MEX3C: variants seen among roughly 807,000 people sequenced by gnomAD.
The protein encoded by MEX3C is RNA-binding E3 ubiquitin-protein ligase MEX3C.
Under a neutral mutation model 35.5 loss-of-function variants are expected in MEX3C, and 15 were observed. The ratio of observed to expected loss-of-function variants is 0.42; its 90% CI spans 0.28 to 0.65. The LOEUF (loss-of-function observed/expected upper bound fraction) is 0.65. Among genes scored for constraint, MEX3C ranks in the 30% least tolerant of loss-of-function variants. MEX3C has a pLI of 0.20. For synonymous variants in MEX3C, 390 were observed against 352.8 expected, an observed-to-expected ratio of 1.11 and a Z score of -1.18; for missense variants, 711 against 842.8, an observed-to-expected ratio of 0.84 and a Z score of 1.94.
intron 1 of MEX3C, 106 bp downstream of exon 1, chr18:51,196,461 T>C: frequency 3.4e-6 from 5 of 1,474,606 alleles, no homozygotes; most frequent in Admixed American, 4.6e-5. Flanking sequence ...GCGGTGGACT[T>C]GGGGGCCTCG....
rs1289258212 is a variant in MEX3C at position 51,197,255 on chromosome 18, GGGCGGCTGC to G, written c.57_65del (p.Gln20_Pro22del). The G allele has an allele frequency of 2.5e-5, 24 of 943,162 alleles. No individual in the cohort carries two copies. Among genetic ancestry groups the G allele is most frequent in the Non-Finnish European group, 3.0e-5 (24 of 794,026 alleles). The allele number at this position is 943,162 out of a possible 1,614,324, so 58.4% of individuals were successfully genotyped here. On this transcript the variant is annotated inframe_deletion, in exon 1 of 2. Coordinates refer to ENST00000406189, the MANE Select transcript of MEX3C (RefSeq NM_016626.5). ...GCGGCGGTGGCGGCGGCGGCGGCGG[GGGCGGCTGC>G]GGCAGGGGGGCCGGGGCCGCCGCCA...
At position 51,196,803 on chromosome 18, in the gene MEX3C, T is replaced by A; in HGVS notation, c.518A>T (p.Asp173Val). The A allele has an allele frequency of 6.5e-7, 1 of 1,530,534 alleles. No homozygotes were observed. Among genetic ancestry groups the A allele is most frequent in the Non-Finnish European group, 8.7e-7 (1 of 1,143,986 alleles). The allele number at this position is 1,530,534 out of a possible 1,614,324, so 94.8% of individuals were successfully genotyped here. A position where few individuals can be genotyped will look rare whatever the true frequency, so the allele number is the denominator to read the frequency against. Residue 173 changes from aspartate (D) to valine (V), a missense_variant, in exon 1 of 2, where the codon GAT becomes GTT. Physicochemically the swap from Asp to Val is radical, Grantham distance 152 (BLOSUM62 -3). Transcript: ENST00000406189. ...GSVLLPAARF[D>V]AREAAAAAAA... ...CGCCGCGGCCGCCGCCTCCCGGGCA[T>A]CGAACCTGGCGGCTGGCAGCAGCAC...
rs766537767 is a variant in MEX3C, at chr18:51,176,927, A to G, written c.1404T>C (p.Ser468=). The G allele has an allele frequency of 8.1e-6, 13 of 1,613,892 alleles. No homozygotes were observed. Among genetic ancestry groups the G allele is most frequent in the Middle Eastern group, 1.6e-4 (1 of 6,084 alleles). ...TTCCTGTGCTAAATGGGCTTGTTGG[A>G]CTAAAGTCAGCCAGCCTATTGCTTC... ...YFGSNRLADF[S]PTSPFSTGNF... is the part of the protein sequence containing the mutation. The change falls in exon 2 of 2, where the codon AGT becomes AGC. Residue 468 remains serine, a synonymous_variant. Coordinates refer to ENST00000406189, the MANE Select transcript of MEX3C (RefSeq NM_016626.5).
At chr18:51,196,303 A>T in intron 1 of MEX3C, 1 of 686,232 alleles carries the variant, frequency 1.5e-6, no homozygotes, top group Non-Finnish European at 2.2e-6. Context: ...TTCCACGAAT[A>T]CAGCCCAAGT....
rs1278934982 is a variant in MEX3C, at chr18:51,196,871, G to A, written c.450C>T (p.Thr150=). ...CCGGGATCTGCTGGGTCTGAGAGGC[G>A]GTGGCCGCGGGCGGCGACAGCAGCA... ...SLLLLSPPAA[T]ASQTQQIPGG... Residue 150 remains threonine, a synonymous_variant, in exon 1 of 2, where the codon ACC becomes ACT. Coordinates refer to ENST00000406189, the MANE Select transcript of MEX3C (RefSeq NM_016626.5). The A allele has an allele frequency of 6.5e-6, 10 of 1,539,620 alleles. No homozygotes were observed. The African/African-American group carries it at 1.1e-4, about 17-fold the overall frequency.
chr18:51,195,659 C>T (rs1912765291), intron 1 of MEX3C: 1 of 152,148 alleles, frequency 6.6e-6, no homozygotes, highest in Admixed American at 6.5e-5. Flanking sequence ...GGAAATGCTA[C>T]CATAAAGAAC....
intron 1 of MEX3C, among the ~76,000 whole-genome samples, chr18:51,186,073 T>C (rs1382973993): frequency 6.6e-6 from 1 of 152,176 alleles, no homozygotes; most frequent in Middle Eastern, 3.2e-3. Context: ...GCAAAATCAC[T>C]GCTTGGGTGA....
Position 51,176,248 on chromosome 18 carries a change from T to C in MEX3C, c.*103A>G, listed in dbSNP as rs566370269. On this transcript the variant is annotated 3_prime_UTR_variant, in exon 2 of 2. Coordinates refer to ENST00000406189, the MANE Select transcript of MEX3C (RefSeq NM_016626.5). Reference sequence around the variant, plus strand: ...TTAGCCTAATCCCAATAAAGCCTGATAACAGTCATAAGAAATCATTAGGAA... The same window carrying C: ...TTAGCCTAATCCCAATAAAGCCTGACAACAGTCATAAGAAATCATTAGGAA... 1 of 1,168,674 alleles carries C rather than the reference T, an allele frequency of 8.6e-7. No homozygotes were observed. Among genetic ancestry groups the C allele is most frequent in the South Asian group, 1.7e-5 (1 of 58,422 alleles). 72.4% of individuals were successfully genotyped at this position (1,168,674 alleles called of 1,614,324 possible).
chr18:51,195,505 G>A (rs1299961181), intron 1 of MEX3C: 2 of 152,190 alleles, frequency 1.3e-5, no homozygotes, highest in Non-Finnish European at 2.9e-5. Flanking sequence ...GGAAAGATGA[G>A]ATCATTTAAG....
At chr18:51,192,630 A>G (rs1275456268) in intron 1 of MEX3C, among the ~76,000 whole-genome samples, 1 of 152,178 alleles carries the variant, frequency 6.6e-6, no homozygotes, top group Admixed American at 6.5e-5. Context: ...ATTAGGGCAC[A>G]AGTTAATCCA....
chr18:51,180,805 C>A (rs182811762), intron 1 of MEX3C, among the ~76,000 whole-genome samples: 27 of 152,232 alleles, frequency 1.8e-4, no homozygotes, highest in Admixed American at 1.3e-3. Context: ...TAAGCCACTG[C>A]CAATAAAGAC....
chr18:51,184,807 C>T (rs1034676442), intron 1 of MEX3C, among the ~76,000 whole-genome samples: 3 of 151,482 alleles, frequency 2.0e-5, no homozygotes, highest in Non-Finnish European at 4.4e-5. Flanking sequence ...TGCAGAGATC[C>T]GAGATCGTGC....
intron 1 of MEX3C, chr18:51,193,641 A>G (rs2144559441): frequency 6.6e-6 from 1 of 152,336 alleles, no homozygotes; most frequent in African/African-American, 2.4e-5. Context: ...AAGCCTCTTC[A>G]GTTCCTGGCT....
At position 51,197,125 on chromosome 18, in the gene MEX3C, C is replaced by T. The variant is rs1234063886; in HGVS notation, c.196G>A (p.Gly66Ser). 14 of 1,093,354 alleles carry T rather than the reference C, an allele frequency of 1.3e-5. No homozygotes were observed. The highest frequency in any genetic ancestry group is 1.7e-5 in the African/African-American group (1 of 59,024). The allele number at this position is 1,093,354 out of a possible 1,614,324, so 67.7% of individuals were successfully genotyped here. The change falls in exon 1 of 2, where the codon GGC becomes AGC. Residue 66 changes from glycine to serine, a missense_variant. Transcript: ENST00000406189. Reference sequence around the variant, plus strand: ...GCCGGGGCCCGAAGCGCCGGGGCGCCGGGCTCCGCCGGGCTGGGGTCGTCG... The same window carrying T: ...GCCGGGGCCCGAAGCGCCGGGGCGCTGGGCTCCGCCGGGCTGGGGTCGTCG... ...GLDDPSPAEPGAPALRAPAAA... is the reference protein window; with the variant it reads ...GLDDPSPAEPSAPALRAPAAA...
chr18:51,196,771 C>T lies in MEX3C; in HGVS notation c.550G>A (p.Ala184Thr), dbSNP rs1321408520. 5 of 1,491,702 alleles carry T rather than the reference C, an allele frequency of 3.4e-6. No individual in the cohort carries two copies. Among genetic ancestry groups the T allele is most frequent in the South Asian group, 1.2e-5 (1 of 81,188 alleles). The allele number at this position is 1,491,702 out of a possible 1,614,324, so 92.4% of individuals were successfully genotyped here. The change falls in exon 1 of 2, where the codon GCG becomes ACG. Residue 184 changes from alanine (A) to threonine (T), a missense_variant. Around this residue, in one of 4 missense-constraint regions of MEX3C, gnomAD observed 354 missense variants for 311.6 expected, o/e 1.14. Coordinates refer to ENST00000406189, the MANE Select transcript of MEX3C (RefSeq NM_016626.5). ...AREAAAAAAA[A>T]GVLYGGDDAQ... ...TCGTCCCCTCCGTACAGCACCCCCGCCGCCGCCGCCGCGGCCGCCGCCTCC... is the reference window on the plus strand; with the variant it reads ...TCGTCCCCTCCGTACAGCACCCCCGTCGCCGCCGCCGCGGCCGCCGCCTCC...
Position 51,176,336 on chromosome 18 carries a change from T to C in MEX3C, c.*15A>G. 3.1e-6 allele frequency: 5 copies of C among 1,589,340 alleles called. No homozygotes were observed. Among genetic ancestry groups the C allele is most frequent in the South Asian group, 1.1e-5 (1 of 87,482 alleles). Reference sequence around the variant, plus strand: ...AGTCCATATAGAGATATAGTATTTATGTATATATATATAGTTAAGAGTGAA... The same window carrying C: ...AGTCCATATAGAGATATAGTATTTACGTATATATATATAGTTAAGAGTGAA... On this transcript the variant is annotated 3_prime_UTR_variant, in exon 2 of 2. Transcript: ENST00000406189.
At chr18:51,189,427 T>G (rs1169036567) in intron 1 of MEX3C, among the ~76,000 whole-genome samples, 2 of 152,212 alleles carry the variant, frequency 1.3e-5, no homozygotes, top group African/African-American at 4.8e-5. Flanking sequence ...CAATGTTCTC[T>G]CAAGCTGCCT....
At position 51,177,705 on chromosome 18, in the gene MEX3C, C is replaced by A; in HGVS notation, c.755-129G>T. On this transcript the variant is annotated intron_variant, in intron 1 of 1. Transcript: ENST00000406189. The surrounding 1 kb of genome is among the most constrained non-coding windows in gnomAD (Gnocchi z 4.2). ...TTAAGTTTTAGAGTTTTTCACATAGCTAGGAAGTGGCAGAGCCAGAAGTAA... is the reference window on the plus strand; with the variant it reads ...TTAAGTTTTAGAGTTTTTCACATAGATAGGAAGTGGCAGAGCCAGAAGTAA... 9.2e-7 allele frequency: 1 copy of A among 1,090,262 alleles called. No homozygotes were observed. Among genetic ancestry groups the A allele is most frequent in the Non-Finnish European group, 1.3e-6 (1 of 787,608 alleles). The allele number at this position is 1,090,262 out of a possible 1,614,324, so 67.5% of individuals were successfully genotyped here.
intron 1 of MEX3C, among the ~76,000 whole-genome samples, chr18:51,179,069 T>C (rs1912367738): frequency 6.6e-6 from 1 of 151,678 alleles, no homozygotes; most frequent in Non-Finnish European, 1.5e-5. Context: ...AGTGATGTGT[T>C]CTCGGCTGAC....
Sources: gnomAD v4.1 joint callset for allele counts (sites outside exome capture counted in the v4.1 genomes callset) on GRCh38, gnomAD v4.1.1 for gene constraint, gnomAD v4.1.1 regional missense constraint, Gnocchi (gnomAD v3.1) non-coding constraint, MANE v1.5 for transcripts, NCBI Gene and HGNC (gene_info 2026-07-23, HGNC 2026-07-21) for gene names.